Variants in XKR9 observed in about 807,000 individuals in gnomAD.
XKR9 encodes XK-related protein 9.
In XKR9, 32 loss-of-function variants were observed where a neutral mutation model predicts 32.0. The observed-to-expected ratio is 1.00, with a 90% CI of 0.76 to 1.34. The LOEUF (loss-of-function observed/expected upper bound fraction) is 1.34, where lower values mean the gene tolerates loss of function less well. XKR9 is among the 40% of genes most tolerant of loss of function. The pLI, the probability that XKR9 is intolerant of heterozygous loss-of-function variation, is 0.00. For synonymous variants in XKR9, 168 were observed against 143.4 expected (o/e 1.17, Z -1.22); for missense variants, 546 against 429.7 (o/e 1.27, Z -2.39).
the XKR9 span, among the ~76,000 whole-genome samples, chr8:70,849,754 C>G: frequency 6.6e-6 from 1 of 151,966 alleles, no homozygotes; most frequent in Admixed American, 6.6e-5. Context: ...AGAGAAGAAT[C>G]AAATAGACAC....
the XKR9 span, among the ~76,000 whole-genome samples, chr8:70,868,332 C>A: frequency 1.3e-5 from 2 of 152,008 alleles, no homozygotes; most frequent in Non-Finnish European, 2.9e-5. Context: ...CCATGAGGGC[C>A]CCACTCCTGC....
At chr8:70,802,215 C>T in the XKR9 span, among the ~76,000 whole-genome samples, 16 of 152,256 alleles carry the variant, frequency 1.1e-4, no homozygotes, top group South Asian at 6.2e-4. Context: ...GGATTACAGG[C>T]GTGAGCCACC....
intron 2 of XKR9, among the ~76,000 whole-genome samples, chr8:70,754,825 G>A (rs1171062946): frequency 6.6e-6 from 1 of 151,970 alleles, no homozygotes; most frequent in Non-Finnish European, 1.5e-5. Context: ...AGAAAACCTA[G>A]GCATTACCAT....
chr8:70,740,227 A>G (rs1018239255), downstream of XKR9, among the ~76,000 whole-genome samples: 5 of 152,044 alleles, frequency 3.3e-5, no homozygotes, highest in African/African-American at 9.6e-5. Flanking sequence ...TTCATCTTCC[A>G]TCACTGATAC....
chr8:71,020,271 A>G, the XKR9 span, among the ~76,000 whole-genome samples: 33 of 152,182 alleles, frequency 2.2e-4, no homozygotes, highest in African/African-American at 7.7e-4. Flanking sequence ...AATGAGGCCA[A>G]AGTTCAATTC....
chr8:70,779,368 G>T (rs1326484487), intron 2 of XKR9, among the ~76,000 whole-genome samples: 2 of 152,130 alleles, frequency 1.3e-5, no homozygotes, highest in African/African-American at 4.8e-5. Flanking sequence ...TTTTATTGAA[G>T]ATTTTCGCAT....
the XKR9 span, among the ~76,000 whole-genome samples, chr8:70,997,118 C>T: frequency 6.6e-6 from 1 of 152,036 alleles, no homozygotes; most frequent in Non-Finnish European, 1.5e-5. Context: ...GCCAACATGG[C>T]GAATCCCTGT....
intron 3 of XKR9, among the ~76,000 whole-genome samples, chr8:70,692,855 C>G (rs936323807): frequency 1.3e-5 from 2 of 152,160 alleles, no homozygotes; most frequent in South Asian, 4.1e-4. Context: ...GCTCGGATTA[C>G]AAGTGTGAGC....
intron 4 of XKR9, among the ~76,000 whole-genome samples, chr8:70,720,093 C>A (rs1303257574): frequency 6.6e-6 from 1 of 152,058 alleles, no homozygotes; most frequent in Non-Finnish European, 1.5e-5. Context: ...TGATTGGGCT[C>A]TCTGTTTGTC....
intron 2 of XKR9, among the ~76,000 whole-genome samples, chr8:70,741,639 AT>A (rs905668960): frequency 2.6e-5 from 4 of 152,052 alleles, no homozygotes; most frequent in Admixed American, 2.0e-4. Context: ...CCATTCATTC[AT>A]TGATGAATGG....
chr8:70,795,423 C>T, the XKR9 span, among the ~76,000 whole-genome samples: 3 of 151,924 alleles, frequency 2.0e-5, no homozygotes, highest in South Asian at 2.1e-4. Flanking sequence ...TGAATCATGC[C>T]ACAATGAACA....
intron 2 of XKR9, among the ~76,000 whole-genome samples, chr8:70,744,772 A>AT (rs1807035232): frequency 6.7e-6 from 1 of 150,262 alleles, no homozygotes. Flanking sequence ...CGCCTGGCTA[A>AT]TTTTTGTATT....
At chr8:70,880,346 A>G in the XKR9 span, among the ~76,000 whole-genome samples, 5 of 152,082 alleles carry the variant, frequency 3.3e-5, no homozygotes, top group Admixed American at 3.3e-4. Context: ...CCTGTTTGCA[A>G]ATGACATGGT....
At chr8:71,058,860 T>C in the XKR9 span, among the ~76,000 whole-genome samples, 6 of 146,106 alleles carry the variant, frequency 4.1e-5, no homozygotes, top group Non-Finnish European at 8.8e-5. Flanking sequence ...AAAAGTGAAA[T>C]AGAATAAACA....
At chr8:70,897,127 A>C in the XKR9 span, among the ~76,000 whole-genome samples, 5 of 152,218 alleles carry the variant, frequency 3.3e-5, no homozygotes, top group East Asian at 9.7e-4. Flanking sequence ...AAAAGTGAGA[A>C]CATGTGATGT....
At chr8:70,845,008 G>A in the XKR9 span, among the ~76,000 whole-genome samples, 1 of 152,154 alleles carries the variant, frequency 6.6e-6, no homozygotes, top group Admixed American at 6.5e-5. Flanking sequence ...TAATACTGAT[G>A]CCCACGTATG....
intron 3 of XKR9, among the ~76,000 whole-genome samples, chr8:70,695,157 GT>G (rs1563427788): frequency 4.4e-5 from 5 of 113,870 alleles, no homozygotes; most frequent in African/African-American, 1.7e-4. Flanking sequence ...TCATTGATTT[GT>G]TTTTAAAAAA....
the XKR9 span, among the ~76,000 whole-genome samples, chr8:70,855,217 T>C: frequency 6.6e-6 from 1 of 151,686 alleles, no homozygotes; most frequent in African/African-American, 2.4e-5. Flanking sequence ...GGCAAAGAAG[T>C]TAAGAACCTC....
chr8:70,702,926 C>T (rs906608952), intron 3 of XKR9, among the ~76,000 whole-genome samples: 4 of 152,046 alleles, frequency 2.6e-5, no homozygotes, highest in Non-Finnish European at 5.9e-5. Flanking sequence ...TGTTTTCTGA[C>T]TTTTGTTGTT....
Sources: allele counts gnomAD v4.1 joint callset (sites outside exome capture counted in the v4.1 genomes callset), GRCh38; gene constraint gnomAD v4.1.1; transcripts MANE v1.5; gene names NCBI Gene and HGNC (gene_info 2026-07-23, HGNC 2026-07-21).